Variants in POLR3G observed in about 807,000 individuals in gnomAD.
POLR3G encodes the protein RNA polymerase III subunit G.
POLR3G carries 28 observed loss-of-function variants against 30.1 expected under a neutral mutation model. That is an observed-to-expected ratio of 0.93 (90% confidence interval 0.69 to 1.27). POLR3G has a LOEUF of 1.27. POLR3G is among the 50% of genes most tolerant of loss of function. The pLI is 0.00. For missense variants in POLR3G, 254 were observed against 264.6 expected, an observed-to-expected ratio of 0.96 and a Z score of 0.28; for synonymous variants, 79 against 82.5, an observed-to-expected ratio of 0.96 and a Z score of 0.23.
At chr5:90,509,325 A>T (rs1402176127) in intron 7 of POLR3G, among the ~76,000 whole-genome samples, 1 of 151,954 alleles carries the variant, frequency 6.6e-6, no homozygotes. Context: ...CCCCATAGTT[A>T]CCCTGTATAA....
In POLR3G at chr5:90,506,591, A is replaced by G. The variant is rs780643907; in HGVS notation, c.502A>G (p.Lys168Glu). 3 of 1,613,764 alleles carry G rather than the reference A, an allele frequency of 1.9e-6. No individual in the cohort carries two copies. The highest frequency in any genetic ancestry group is 2.5e-6 in the Non-Finnish European group (3 of 1,179,794). Reference sequence around the variant, plus strand: ...GGAAAATGAAGAGAAAGAAGGAAGCAAAGAGAAAAGTAAAGAAGGTGATGA... The same window carrying G: ...GGAAAATGAAGAGAAAGAAGGAAGCGAAGAGAAAAGTAAAGAAGGTGATGA... ...DEENEEKEGS[K>E]EKSKEGDDDD... The change falls in exon 7 of 8, where the codon AAA becomes GAA. Residue 168 changes from lysine to glutamate, a missense_variant. By Grantham distance (56) the Lys-to-Glu change is moderately conservative. Transcript: ENST00000651687.
chr5:90,495,386 G>C (rs900324848), intron 3 of POLR3G, among the ~76,000 whole-genome samples: 11 of 152,128 alleles, frequency 7.2e-5, no homozygotes, highest in African/African-American at 2.7e-4. Context: ...AAGAGCCGCA[G>C]TTATGGCTTT....
intron 1 of POLR3G, 57 bp from the exon 2 acceptor site, chr5:90,485,468 C>A: frequency 2.3e-6 from 2 of 854,092 alleles, no homozygotes; most frequent in Non-Finnish European, 1.9e-6. Context: ...TTATATTTTG[C>A]TTTAAAGTGT....
intron 5 of POLR3G, among the ~76,000 whole-genome samples, chr5:90,498,658 G>T (rs1752105071): frequency 6.6e-6 from 1 of 152,076 alleles, no homozygotes; most frequent in South Asian, 2.1e-4. Context: ...TATTATACTG[G>T]CTACATTATA....
chr5:90,474,272 G>T, upstream of POLR3G: 1 of 1,613,332 alleles, frequency 6.2e-7, no homozygotes. Context: ...ACTTGTGGGC[G>T]TACCACTCGA....
Position 90,493,283 on chromosome 5 carries a change from G to A in POLR3G, c.248-2394G>A, listed in dbSNP as rs138010709. ...TTTATTTGAGACAGGATCTCGTTCTGTCACCCAGGCTGGAATGCAGTGGCA... is the reference window on the plus strand; with the variant it reads ...TTTATTTGAGACAGGATCTCGTTCTATCACCCAGGCTGGAATGCAGTGGCA... On this transcript the variant is annotated intron_variant, in intron 3 of 7. Transcript: ENST00000651687. 1.5e-4 allele frequency among the ~76,000 whole-genome samples: 23 copies of A among 152,214 alleles called. No individual in the cohort carries two copies. The East Asian group carries it at 4.2e-3, about 28-fold the overall frequency.
intron 3 of POLR3G, 140 bp from the exon 4 acceptor site, chr5:90,495,537 T>A: frequency 7.2e-7 from 1 of 1,386,478 alleles, no homozygotes. Context: ...TTTCCCATTC[T>A]CTTATGTACA....
At chr5:90,476,840 C>T (rs1296688700) in intron 1 of POLR3G, among the ~76,000 whole-genome samples, 1 of 152,184 alleles carries the variant, frequency 6.6e-6, no homozygotes, top group African/African-American at 2.4e-5. Context: ...GAGAGGACTT[C>T]TTCAGCCACC....
At chr5:90,506,817 T>G (rs770348189) in intron 7 of POLR3G, 143 bp downstream of exon 7, 2 of 1,323,348 alleles carry the variant, frequency 1.5e-6, no homozygotes, top group Non-Finnish European at 2.0e-6. Context: ...CATCGATTCC[T>G]TGCTATCAAG....
Position 90,497,835 on chromosome 5 carries a change from G to T in POLR3G, c.355+129G>T. Reference sequence around the variant, plus strand: ...CTTTTCTTATTTTGAGCCAGACAAGGGATCTCATGCCTGTAATCTCAGCAT... The same window carrying T: ...CTTTTCTTATTTTGAGCCAGACAAGTGATCTCATGCCTGTAATCTCAGCAT... On this transcript the variant is annotated intron_variant, in intron 5 of 7. Coordinates refer to ENST00000651687, the MANE Select transcript of POLR3G (RefSeq NM_006467.3). The T allele has an allele frequency of 6.2e-6, 7 of 1,134,920 alleles. No homozygotes were observed. The South Asian group carries it at 1.3e-4, about 21-fold the overall frequency. 70.3% of individuals were successfully genotyped at this position (1,134,920 alleles called of 1,614,324 possible).
At chr5:90,496,416 A>G (rs1255008844) in intron 4 of POLR3G, among the ~76,000 whole-genome samples, 1 of 152,258 alleles carries the variant, frequency 6.6e-6, no homozygotes, top group Non-Finnish European at 1.5e-5. Flanking sequence ...TTGAAGAGAA[A>G]GCAAAAATCT....
chr5:90,497,665 G>A lies in POLR3G; in HGVS notation c.314G>A (p.Arg105Lys). The A allele has an allele frequency of 7.5e-6, 12 of 1,600,742 alleles. No individual in the cohort carries two copies. Among genetic ancestry groups the A allele is most frequent in the Non-Finnish European group, 1.0e-5 (12 of 1,174,686 alleles). ...TTTATTTTATGTACAGATTGGAGAA[G>A]ACTTCCAAGAGAGATGATGCCAAGA... Reference protein sequence around the residue: ...YKEEWIPDWRRLPREMMPRNK... With the variant: ...YKEEWIPDWRKLPREMMPRNK... The change falls in exon 5 of 8, where the codon AGA becomes AAA. Residue 105 changes from arginine (R) to lysine (K), a missense_variant. Physicochemically the swap from Arg to Lys is conservative, Grantham distance 26 (BLOSUM62 2). Transcript: ENST00000651687.
At chr5:90,491,133 A>C (rs904588895) in intron 3 of POLR3G, among the ~76,000 whole-genome samples, 17 of 152,238 alleles carry the variant, frequency 1.1e-4, no homozygotes, top group Non-Finnish European at 2.2e-4. Context: ...GATGGCATGG[A>C]ATGAACATAT....
At chr5:90,510,299 AC>A (rs1239349409) in intron 7 of POLR3G, among the ~76,000 whole-genome samples, 71 of 152,138 alleles carry the variant, frequency 4.7e-4, no homozygotes, top group Non-Finnish European at 5.9e-5. Context: ...AATGGCGTGA[AC>A]CAGGGAGGCA....
chr5:90,508,771 ATAT>A (rs1378826874), intron 7 of POLR3G, among the ~76,000 whole-genome samples: 1 of 152,190 alleles, frequency 6.6e-6, no homozygotes, highest in Non-Finnish European at 1.5e-5. Flanking sequence ...TATTATTAAA[ATAT>A]TATTTCCTGG....
intron 2 of POLR3G, among the ~76,000 whole-genome samples, chr5:90,486,772 A>G (rs1420555571): frequency 1.3e-5 from 2 of 152,160 alleles, no homozygotes; most frequent in Admixed American, 6.5e-5. Context: ...ATTTGTCACT[A>G]TGTGAAATTG....
intron 5 of POLR3G, among the ~76,000 whole-genome samples, chr5:90,500,914 T>C (rs1311636424): frequency 6.6e-6 from 1 of 152,174 alleles, no homozygotes; most frequent in African/African-American, 2.4e-5. Context: ...AATGGGACAA[T>C]TTTGTAGCCT....
At chr5:90,485,892 A>G (rs1751415906) in intron 2 of POLR3G, among the ~76,000 whole-genome samples, 1 of 152,214 alleles carries the variant, frequency 6.6e-6, no homozygotes, top group African/African-American at 2.4e-5. Context: ...CCATGAATAT[A>G]TTTAGTACTA....
chr5:90,483,087 C>A (rs980618738), intron 1 of POLR3G, among the ~76,000 whole-genome samples: 1 of 140,998 alleles, frequency 7.1e-6, no homozygotes, highest in Admixed American at 7.9e-5. Context: ...TTGCAGTCAG[C>A]GGAGACCATG....
Sources: gnomAD v4.1 joint callset for allele counts (sites outside exome capture counted in the v4.1 genomes callset) on GRCh38, gnomAD v4.1.1 for gene constraint, MANE v1.5 for transcripts, NCBI Gene and HGNC (gene_info 2026-07-23, HGNC 2026-07-21) for gene names.